Variants in SAMD15 observed in about 807,000 individuals in gnomAD.
The protein encoded by SAMD15 is sterile alpha motif domain-containing protein 15.
SAMD15 carries 37 observed loss-of-function variants against 50.5 expected under a neutral mutation model. The observed-to-expected ratio is 0.73, with a 90% CI of 0.56 to 0.96. The LOEUF is 0.96. SAMD15 is among the 40% of genes least tolerant of loss of function. The pLI is 0.00. For synonymous variants in SAMD15, 255 were observed against 282.8 expected, an observed-to-expected ratio of 0.90 and a Z score of 0.99; for missense variants, 789 against 783.8, an observed-to-expected ratio of 1.01 and a Z score of -0.08.
rs890717965 is a variant in SAMD15 at position 77,391,522 on chromosome 14, T to C, written c.*278T>C. 3.9e-6 allele frequency: 1 copy of C among 259,688 alleles called. No homozygotes were observed. The highest frequency in any genetic ancestry group is 2.2e-5 in the African/African-American group (1 of 44,996). The allele number at this position is 259,688 out of a possible 1,614,324, so 16.1% of individuals were successfully genotyped here. ...TAGTAGATATGATGTTTCACCATGT[T>C]GGCCAGGCTGGTCTGAAACTCCTAA... On this transcript the variant is annotated 3_prime_UTR_variant, in exon 3 of 3. Transcript: ENST00000216471.
chr14:77,379,032 A>G lies in SAMD15; in HGVS notation c.1614A>G (p.Leu538=). 2 of 1,614,132 alleles carry G rather than the reference A, an allele frequency of 1.2e-6. No homozygotes were observed. The highest frequency in any genetic ancestry group is 1.1e-5 in the South Asian group (1 of 91,076). ...DETQPEKGTE[L]QFEHLNWDPE... ...CCCAGCCAGAAAAAGGGACTGAGTT[A>G]CAATTTGAGCATCTTAATTGGGATC... The change falls in exon 1 of 3, where the codon TTA becomes TTG. Residue 538 remains leucine, a synonymous_variant. Coordinates refer to ENST00000216471, the MANE Select transcript of SAMD15 (RefSeq NM_001010860.4).
At chr14:77,383,782 A>C (rs937754411) in intron 2 of SAMD15, among the ~76,000 whole-genome samples, 9 of 152,146 alleles carry the variant, frequency 5.9e-5, no homozygotes, top group African/African-American at 1.9e-4. Flanking sequence ...CCTGGCCAAC[A>C]TGGTGAAACT....
intron 1 of SAMD15, among the ~76,000 whole-genome samples, chr14:77,379,574 G>A (rs1180788725): frequency 6.6e-6 from 1 of 152,086 alleles, no homozygotes; most frequent in Non-Finnish European, 1.5e-5. Context: ...TGTATTTTTA[G>A]TAGAGACGGG....
rs1893878659 is a variant in SAMD15, at chr14:77,378,195, G to T, written c.777G>T (p.Gln259His). 3 of 1,614,084 alleles carry T rather than the reference G, an allele frequency of 1.9e-6. No individual in the cohort carries two copies. Among genetic ancestry groups the T allele is most frequent in the Non-Finnish European group, 2.5e-6 (3 of 1,180,024 alleles). Residue 259 changes from glutamine (Q) to histidine (H), a missense_variant, in exon 1 of 3, where the codon CAG becomes CAT. Transcript: ENST00000216471. ...TEKKRTEPPE[Q>H]ARLEFLEKEP... ...AGAAAAGGACAGAGCCACCCGAGCA[G>T]GCTAGACTGGAATTTCTGGAGAAGG...
intron 2 of SAMD15, among the ~76,000 whole-genome samples, chr14:77,387,925 C>T (rs534213228): frequency 6.6e-6 from 1 of 152,262 alleles, no homozygotes; most frequent in Non-Finnish European, 1.5e-5. Context: ...CATCTGTTGT[C>T]CCAGCTACTT....
At chr14:77,389,496 ATTTTTTT>A (rs768983521) in intron 2 of SAMD15, among the ~76,000 whole-genome samples, 4 of 111,654 alleles carry the variant, frequency 3.6e-5, no homozygotes, top group Non-Finnish European at 7.0e-5. Flanking sequence ...GGCAATCACA[ATTTTTTT>A]TTTTTTTTTT....
At chr14:77,389,798 G>A (rs1337317290) in intron 2 of SAMD15, among the ~76,000 whole-genome samples, 1 of 151,874 alleles carries the variant, frequency 6.6e-6, no homozygotes, top group Admixed American at 6.6e-5. Flanking sequence ...GCCACGGCCT[G>A]GCCAGCAATC....
intron 2 of SAMD15, among the ~76,000 whole-genome samples, chr14:77,389,550 G>C (rs899569553): frequency 6.7e-6 from 1 of 148,590 alleles, no homozygotes; most frequent in African/African-American, 2.5e-5. Context: ...ACCTAGGCGG[G>C]AGTAGAGTGG....
In SAMD15 at chr14:77,390,999, G is replaced by A; in HGVS notation, c.1789-9G>A. On this transcript the variant is annotated splice_polypyrimidine_tract_variant and intron_variant, in intron 2 of 2. Coordinates refer to ENST00000216471, the MANE Select transcript of SAMD15 (RefSeq NM_001010860.4). Reference sequence around the variant, plus strand: ...TTAGTCTAATTAAAAATTTATCCTTGCGTTTCAGGCAATTTCTCGGCATAC... The same window carrying A: ...TTAGTCTAATTAAAAATTTATCCTTACGTTTCAGGCAATTTCTCGGCATAC... 6.4e-7 allele frequency: 1 copy of A among 1,568,448 alleles called. No homozygotes were observed. Among genetic ancestry groups the A allele is most frequent in the Non-Finnish European group, 8.7e-7 (1 of 1,145,610 alleles).
At position 77,377,398 on chromosome 14, in the gene SAMD15, G is replaced by C. The variant is rs1566698740; in HGVS notation, c.-21G>C. On this transcript the variant is annotated 5_prime_UTR_variant, in exon 1 of 3. Transcript: ENST00000216471. ...GAAGTTGGGGTTGCTAGGAAGCCGC[G>C]GCGCGTCTGCTAAGCTGCAAATGGC... 4 of 1,574,408 alleles carry C rather than the reference G, an allele frequency of 2.5e-6. No individual in the cohort carries two copies. Among genetic ancestry groups the C allele is most frequent in the Middle Eastern group, 1.8e-4 (1 of 5,710 alleles).
chr14:77,381,378 C>T (rs1224552503), intron 2 of SAMD15, among the ~76,000 whole-genome samples: 3 of 152,208 alleles, frequency 2.0e-5, no homozygotes, highest in Admixed American at 6.5e-5. Context: ...AACAATCTCA[C>T]GTGTAACCTC....
chr14:77,378,061 G>T lies in SAMD15; in HGVS notation c.643G>T (p.Asp215Tyr). 9 of 1,613,956 alleles carry T rather than the reference G, an allele frequency of 5.6e-6. No homozygotes were observed. The highest frequency in any genetic ancestry group is 6.8e-6 in the Non-Finnish European group (8 of 1,180,036). ...GLEPPEQTKQ[D>Y]FPSEKLGESL... ...AGAGCCTCCAGAGCAGACCAAACAA[G>T]ATTTTCCAAGTGAGAAACTAGGAGA... The change falls in exon 1 of 3, where the codon GAT (aspartate) becomes TAT (tyrosine). Residue 215 changes from aspartate (D) to tyrosine (Y), a missense_variant. This residue lies in a region of SAMD15 where 770 missense variants were observed against 745.4 expected (regional missense o/e 1.03). Transcript: ENST00000216471.
At chr14:77,387,705 A>G (rs1326788191) in intron 2 of SAMD15, among the ~76,000 whole-genome samples, 1 of 152,180 alleles carries the variant, frequency 6.6e-6, no homozygotes, top group Non-Finnish European at 1.5e-5. Flanking sequence ...CAGAGGGAAT[A>G]TGAGTAGATT....
intron 2 of SAMD15, among the ~76,000 whole-genome samples, chr14:77,380,688 C>T (rs769886453): frequency 2.0e-5 from 3 of 152,136 alleles, no homozygotes; most frequent in Non-Finnish European, 4.4e-5. Flanking sequence ...TCCTGTGGCA[C>T]TTACACCGTC....
At chr14:77,385,526 T>G (rs1893994980) in intron 2 of SAMD15, among the ~76,000 whole-genome samples, 10 of 151,956 alleles carry the variant, frequency 6.6e-5, no homozygotes, top group Admixed American at 6.6e-4. Flanking sequence ...TGACCTCAGG[T>G]GATCCGACTG....
chr14:77,381,448 G>A (rs969154881), intron 2 of SAMD15, among the ~76,000 whole-genome samples: 2 of 152,124 alleles, frequency 1.3e-5, no homozygotes, highest in African/African-American at 4.8e-5. Flanking sequence ...CATAACCATG[G>A]TTTTGCTCAG....
In SAMD15 at chr14:77,379,241, T is replaced by C; in HGVS notation, c.1689+134T>C. ...GTCCTAGACTGTGGTAGAGGTAACT[T>C]GGATTTTAATTTTGGCCTTGCCACT... On this transcript the variant is annotated intron_variant, in intron 1 of 2. Coordinates refer to ENST00000216471, the MANE Select transcript of SAMD15 (RefSeq NM_001010860.4). 4.9e-6 allele frequency: 4 copies of C among 809,326 alleles called. No individual in the cohort carries two copies. In the South Asian group the frequency reaches 7.4e-5, roughly 15 times the overall value. The allele number at this position is 809,326 out of a possible 1,614,324, so 50.1% of individuals were successfully genotyped here.
rs536376795 is a variant in SAMD15, at chr14:77,377,971, G to C, written c.553G>C (p.Glu185Gln). Reference sequence around the variant, plus strand: ...CAGAGAGAGAAATTTAGAATTACTAGAGGAGGAGACTGAACCGGGGGTTCC... The same window carrying C: ...CAGAGAGAGAAATTTAGAATTACTACAGGAGGAGACTGAACCGGGGGTTCC... ...TVRERNLELLEEETEPGVPEE... is the reference protein window; with the variant it reads ...TVRERNLELLQEETEPGVPEE... Residue 185 changes from glutamate (E) to glutamine (Q), a missense_variant, in exon 1 of 3, where the codon GAG (glutamate) becomes CAG (glutamine). By Grantham distance (29) the Glu-to-Gln change is conservative. Coordinates refer to ENST00000216471, the MANE Select transcript of SAMD15 (RefSeq NM_001010860.4). 4 of 1,614,056 alleles carry C rather than the reference G, an allele frequency of 2.5e-6. No homozygotes were observed. Among genetic ancestry groups the C allele is most frequent in the East Asian group, 2.2e-5 (1 of 44,884 alleles).
At chr14:77,389,473 T>C (rs1399206930) in intron 2 of SAMD15, among the ~76,000 whole-genome samples, 1 of 149,958 alleles carries the variant, frequency 6.7e-6, no homozygotes, top group Non-Finnish European at 1.5e-5. Context: ...GGATTAAAAC[T>C]AGAATTTGAA....
Sources: allele counts gnomAD v4.1 joint callset (sites outside exome capture counted in the v4.1 genomes callset), GRCh38; gene constraint gnomAD v4.1.1; regional missense constraint gnomAD v4.1.1; transcripts MANE v1.5; gene names NCBI Gene and HGNC (gene_info 2026-07-23, HGNC 2026-07-21).